Variants in BRAT1 observed in about 807,000 individuals in gnomAD.
BRAT1 encodes BRCA1 associated ATM activator 1.
In BRAT1, 74 loss-of-function variants were observed where a neutral mutation model predicts 70.6. The ratio of observed to expected loss-of-function variants is 1.05; its 90% CI spans 0.87 to 1.27. The LOEUF is 1.27. Among genes scored for constraint, BRAT1 ranks in the 50% most tolerant of loss-of-function variants. The probability of loss-of-function intolerance (pLI) is 0.00; values close to 1 mark genes in which losing one functional copy is unlikely to be tolerated. For synonymous variants in BRAT1, 615 were observed against 517.1 expected (o/e 1.19, Z -2.57); for missense variants, 1,203 against 1,098.2 (o/e 1.10, Z -1.35).
In BRAT1 at chr7:2,554,473, C is replaced by T. The variant is rs756496150; in HGVS notation, c.-16-26G>A. 3 of 1,596,978 alleles carry T rather than the reference C, an allele frequency of 1.9e-6. 1 individual carries two copies. The highest frequency in any genetic ancestry group is 8.5e-7 in the Non-Finnish European group (1 of 1,173,526). ...CTGCAAAGGCAATGTGAGAGCCAAA[C>T]CTCAATGCCCACTCCAGACCCAGCT... On this transcript the variant is annotated intron_variant, in intron 1 of 13. Coordinates refer to ENST00000340611, the MANE Select transcript of BRAT1 (RefSeq NM_152743.4).
At chr7:2,553,818 T>G (rs1780214427) in intron 2 of BRAT1, among the ~76,000 whole-genome samples, 1 of 151,780 alleles carries the variant, frequency 6.6e-6, no homozygotes, top group African/African-American at 2.4e-5. Context: ...ATTTTTGTTT[T>G]TTTTTTTTTT....
intron 2 of BRAT1, among the ~76,000 whole-genome samples, chr7:2,554,007 G>T (rs1389009565): frequency 6.6e-6 from 1 of 152,074 alleles, no homozygotes; most frequent in Non-Finnish European, 1.5e-5. Context: ...AATACAACGA[G>T]AACAACAATA....
chr7:2,538,126 C>A lies in BRAT1; in HGVS notation c.2409G>T (p.Leu803=), dbSNP rs768195140. The A allele has an allele frequency of 3.1e-6, 5 of 1,602,716 alleles. No individual in the cohort carries two copies. The East Asian group carries it at 1.1e-4, about 36-fold the overall frequency. Residue 803 remains leucine, a synonymous_variant, in exon 14 of 14, where the codon CTG becomes CTT. Transcript: ENST00000340611. ...DHVEKSPQSL[L]QDMLATGGFL... ...AGCCTCCCGTGGCCAGCATGTCCTGCAGGAGGGACTGGGGACTCTTTTCCA... is the reference window on the plus strand; with the variant it reads ...AGCCTCCCGTGGCCAGCATGTCCTGAAGGAGGGACTGGGGACTCTTTTCCA...
chr7:2,542,896 G>A (rs563825696), intron 6 of BRAT1: 1 of 203,736 alleles, frequency 4.9e-6, no homozygotes, highest in East Asian at 1.2e-4. Context: ...GCTGCGGTGG[G>A]GGACAGGTGG....
chr7:2,550,481 C>A (rs201850020), intron 2 of BRAT1, among the ~76,000 whole-genome samples: 5,680 of 55,508 alleles, frequency 0.1, 13 homozygotes, highest in African/African-American at 0.15. Flanking sequence ...AAAAAAAAAA[C>A]AAAAAAAAAA....
At chr7:2,550,271 A>C (rs975757008) in intron 2 of BRAT1, among the ~76,000 whole-genome samples, 2 of 152,096 alleles carry the variant, frequency 1.3e-5, no homozygotes, top group African/African-American at 4.8e-5. Context: ...GTTTGAGACC[A>C]GCCTGGGCTA....
At position 2,542,166 on chromosome 7, in the gene BRAT1, G is replaced by T. The variant is rs1451106727; in HGVS notation, c.969C>A (p.Pro323=). 2.5e-6 allele frequency: 4 copies of T among 1,573,174 alleles called. No homozygotes were observed. In the African/African-American group the frequency reaches 5.4e-5, roughly 21 times the overall value. The part of the protein sequence containing the change: ...RTQAFQVLLQ[P]LACVLKATVQ... The stretch of plus-strand genomic sequence containing the variant: ...CCGTGGCCTTCAGGACACAGGCCAG[G>T]GGCTGGAGAAGGACCTGGAAGGCCT... The change falls in exon 7 of 14, where the codon CCC becomes CCA. Residue 323 remains proline, a synonymous_variant. Coordinates refer to ENST00000340611, the MANE Select transcript of BRAT1 (RefSeq NM_152743.4).
chr7:2,542,619 G>A (rs1779264529), intron 6 of BRAT1: 2 of 231,142 alleles, frequency 8.7e-6, no homozygotes, highest in Non-Finnish European at 1.7e-5. Context: ...GCAGGGCCGG[G>A]CCTGTTCCTC....
In BRAT1 at chr7:2,543,048, G is replaced by A; in HGVS notation, c.923+156C>T. ...TGCTAAAGAACCTTCAGAAGCTGCCGCGCGCAACCCACGCACCACCCAGTC... is the reference window on the plus strand; with the variant it reads ...TGCTAAAGAACCTTCAGAAGCTGCCACGCGCAACCCACGCACCACCCAGTC... On this transcript the variant is annotated intron_variant, in intron 6 of 13. Coordinates refer to ENST00000340611, the MANE Select transcript of BRAT1 (RefSeq NM_152743.4). This position sits in a 1 kb window ranked among gnomAD's most constrained non-coding sequence, Gnocchi z 5.5. The A allele has an allele frequency of 2.3e-6, 2 of 864,114 alleles. No individual in the cohort carries two copies. The highest frequency in any genetic ancestry group is 2.1e-5 in the South Asian group (1 of 48,390). The allele number at this position is 864,114 out of a possible 1,614,324, so 53.5% of individuals were successfully genotyped here. A position where few individuals can be genotyped will look rare whatever the true frequency, so the allele number is the denominator to read the frequency against.
Position 2,539,362 on chromosome 7 carries a change from A to C in BRAT1, c.1598-11T>G. On this transcript the variant is annotated splice_polypyrimidine_tract_variant and intron_variant, in intron 12 of 13. Coordinates refer to ENST00000340611, the MANE Select transcript of BRAT1 (RefSeq NM_152743.4). ...TGAAGTCAGCCTGTCCTGGGGGTCGAAACGGCCACATGCAGCTGTGACTGA... is the reference window on the plus strand; with the variant it reads ...TGAAGTCAGCCTGTCCTGGGGGTCGCAACGGCCACATGCAGCTGTGACTGA... 2 of 1,596,680 alleles carry C rather than the reference A, an allele frequency of 1.3e-6. No homozygotes were observed. Among genetic ancestry groups the C allele is most frequent in the South Asian group, 1.1e-5 (1 of 90,344 alleles).
At chr7:2,548,182 A>G (rs1051458749) in intron 2 of BRAT1, among the ~76,000 whole-genome samples, 5 of 152,162 alleles carry the variant, frequency 3.3e-5, no homozygotes, top group Admixed American at 1.3e-4. Context: ...AGCAGGTACA[A>G]TGGAACAAAC....
chr7:2,538,589 T>G lies in BRAT1; in HGVS notation c.1946A>C (p.Glu649Ala). ...LQAASRDLDW[E>A]VRAQGLELAL... is the part of the protein sequence containing the mutation. ...CAGCTCCAGGCCCTGGGCGCGGACC[T>G]CCCAGTCCAGGTCTCGGCTCGCCGC... The change falls in exon 14 of 14, where the codon GAG (glutamate) becomes GCG (alanine). Residue 649 changes from glutamate (E) to alanine (A), a missense_variant. Physicochemically the swap from Glu to Ala is moderately radical, Grantham distance 107 (BLOSUM62 -1). Coordinates refer to ENST00000340611, the MANE Select transcript of BRAT1 (RefSeq NM_152743.4). The G allele has an allele frequency of 6.3e-7, 1 of 1,599,568 alleles. No individual in the cohort carries two copies. The highest frequency in any genetic ancestry group is 8.5e-7 in the Non-Finnish European group (1 of 1,178,794).
At chr7:2,544,002 G>C in intron 4 of BRAT1, 40 bp from the exon 5 acceptor site, 2 of 1,492,228 alleles carry the variant, frequency 1.3e-6, no homozygotes, top group Non-Finnish European at 1.8e-6. Context: ...AAGGGGGTGA[G>C]CCAGAATAGA....
At chr7:2,548,472 A>G (rs890673564) in intron 2 of BRAT1, among the ~76,000 whole-genome samples, 12 of 151,788 alleles carry the variant, frequency 7.9e-5, no homozygotes, top group African/African-American at 2.9e-4. Flanking sequence ...CCAAGGCAGG[A>G]GAACAACATA....
intron 2 of BRAT1, among the ~76,000 whole-genome samples, chr7:2,550,495 G>GAAAAGAAAAAAAAAAAAAAAAAAAAA (rs1779928713): frequency 1.8e-5 from 1 of 56,280 alleles, no homozygotes; most frequent in African/African-American, 7.2e-5. Flanking sequence ...AAAAAAAAAA[G>GAAAAGAAAAAAAAAAAAAAAAAAAAA]AAAGAAAAGA....
chr7:2,545,001 G>T lies in BRAT1; in HGVS notation c.338C>A (p.Thr113Asn). Residue 113 changes from threonine (T) to asparagine (N), a missense_variant, in exon 4 of 14, where the codon ACC becomes AAC. Thr to Asn is a moderately conservative substitution (Grantham distance 65, BLOSUM62 0). Coordinates refer to ENST00000340611, the MANE Select transcript of BRAT1 (RefSeq NM_152743.4). Reference sequence around the variant, plus strand: ...GCTGCGCACGGTGGGGACGGCCCAGGTTGCTCGGCCGAGGGGTCCTGGCTC... The same window carrying T: ...GCTGCGCACGGTGGGGACGGCCCAGTTTGCTCGGCCGAGGGGTCCTGGCTC... ...FGEPGPLGRA[T>N]WAVPTVRSGW... 2 of 1,556,336 alleles carry T rather than the reference G, an allele frequency of 1.3e-6. No homozygotes were observed. Among genetic ancestry groups the T allele is most frequent in the Non-Finnish European group, 1.7e-6 (2 of 1,149,612 alleles).
chr7:2,538,114 C>A lies in BRAT1; in HGVS notation c.2421G>T (p.Leu807=). ...CCCCCTGCAGGAAGCCTCCCGTGGC[C>A]AGCATGTCCTGCAGGAGGGACTGGG... ...KSPQSLLQDM[L]ATGGFLQGDE... is the part of the protein sequence containing the mutation. The change falls in exon 14 of 14, where the codon CTG becomes CTT. Residue 807 remains leucine, a synonymous_variant. Coordinates refer to ENST00000340611, the MANE Select transcript of BRAT1 (RefSeq NM_152743.4). 4 of 1,594,346 alleles carry A rather than the reference C, an allele frequency of 2.5e-6. No homozygotes were observed. Among genetic ancestry groups the A allele is most frequent in the Non-Finnish European group, 3.4e-6 (4 of 1,166,004 alleles).
chr7:2,548,425 G>C (rs1420623716), intron 2 of BRAT1, among the ~76,000 whole-genome samples: 1 of 151,864 alleles, frequency 6.6e-6, no homozygotes, highest in East Asian at 1.9e-4. Context: ...CAGGCTGGGT[G>C]AGGTGCTCAT....
At chr7:2,548,093 CAAAAA>C (rs57069903) in intron 2 of BRAT1, among the ~76,000 whole-genome samples, 1 of 98,822 alleles carries the variant, frequency 1.0e-5, no homozygotes, top group Non-Finnish European at 2.2e-5. Flanking sequence ...GACTCCATTC[CAAAAA>C]AAAAAAAAAA....
Sources: gnomAD v4.1 joint callset for allele counts (sites outside exome capture counted in the v4.1 genomes callset) on GRCh38, gnomAD v4.1.1 for gene constraint, Gnocchi (gnomAD v3.1) non-coding constraint, MANE v1.5 for transcripts, NCBI Gene and HGNC (gene_info 2026-07-23, HGNC 2026-07-21) for gene names.